Variants in BID observed in about 807,000 individuals in gnomAD.
BID encodes the protein BH3-interacting domain death agonist.
Under a neutral mutation model 17.4 loss-of-function variants are expected in BID, and 19 were observed. The ratio of observed to expected loss-of-function variants is 1.09; its 90% CI spans 0.76 to 1.60. The LOEUF is 1.60. Among genes scored for constraint, BID ranks in the 40% most tolerant of loss-of-function variants. The pLI is 0.00. For synonymous variants in BID, 108 were observed against 102.8 expected (o/e 1.05, Z -0.31); for missense variants, 226 against 256.0 (o/e 0.88, Z 0.80).
At position 17,746,585 on chromosome 22, in the gene BID, C is replaced by G. The variant is rs965465092; in HGVS notation, c.13-2572G>C. Among the ~76,000 whole-genome samples, 6 of 152,330 alleles carry G rather than the reference C, an allele frequency of 3.9e-5. No individual in the cohort carries two copies. In the East Asian group the frequency reaches 1.2e-3, roughly 29 times the overall value. ...GCTGTGTCACCCAAAAAGAAAAGCG[C>G]AAGTCCTAACCCCAAGTACCTGTCA... is the stretch of plus-strand genomic sequence containing the variant. On this transcript the variant is annotated intron_variant, in intron 2 of 5. Transcript: ENST00000622694.
Position 17,734,867 on chromosome 22 carries a change from G to T in BID, c.*713C>A, listed in dbSNP as rs149980557. ...CTGATTTTGTAAACAAACAGTGGCTGACCTGGGCCCTTAAATCACCTTCAC... is the reference window on the plus strand; with the variant it reads ...CTGATTTTGTAAACAAACAGTGGCTTACCTGGGCCCTTAAATCACCTTCAC... On this transcript the variant is annotated 3_prime_UTR_variant, in exon 6 of 6. Coordinates refer to ENST00000622694, the MANE Select transcript of BID (RefSeq NM_001196.4). 4.6e-5 allele frequency: 7 copies of T among 152,334 alleles called. No homozygotes were observed. The highest frequency in any genetic ancestry group is 1.0e-4 in the Non-Finnish European group (7 of 68,034). The allele number at this position is 152,334 out of a possible 1,614,324, so 9.4% of individuals were successfully genotyped here.
chr22:17,751,606 C>G (rs1188335083), intron 1 of BID, among the ~76,000 whole-genome samples: 1 of 152,180 alleles, frequency 6.6e-6, no homozygotes, highest in East Asian at 1.9e-4. Context: ...GAGGAGAAAG[C>G]CTGTGCCCAG....
chr22:17,747,804 G>A (rs945296450), intron 2 of BID, among the ~76,000 whole-genome samples: 6 of 151,576 alleles, frequency 4.0e-5, no homozygotes, highest in South Asian at 4.2e-4. Context: ...CTGGCCGGGC[G>A]CGGTGGCTCA....
intron 2 of BID, among the ~76,000 whole-genome samples, chr22:17,745,744 G>C (rs1008373818): frequency 7.9e-5 from 12 of 151,972 alleles, no homozygotes; most frequent in Non-Finnish European, 1.6e-4. Flanking sequence ...GAGGCGGGCG[G>C]ATCACGAAGT....
At position 17,774,381 on chromosome 22, in the gene BID, C is replaced by A; in HGVS notation, c.-59G>T. On this transcript the variant is annotated splice_region_variant and 5_prime_UTR_variant, in exon 1 of 6. Coordinates refer to ENST00000622694, the MANE Select transcript of BID (RefSeq NM_001196.4). Reference sequence around the variant, plus strand: ...CCGGGAGGGGCGCGGGTGCACTCACCACCCTCCAGCCGCGGGGGCGCGGGC... The same window carrying A: ...CCGGGAGGGGCGCGGGTGCACTCACAACCCTCCAGCCGCGGGGGCGCGGGC... The A allele has an allele frequency of 4.6e-6, 1 of 215,300 alleles. No individual in the cohort carries two copies. Among genetic ancestry groups the A allele is most frequent in the Middle Eastern group, 8.0e-4 (1 of 1,254 alleles). 13.3% of individuals were successfully genotyped at this position (215,300 alleles called of 1,614,324 possible). A position where few individuals can be genotyped will look rare whatever the true frequency, so the allele number is the denominator to read the frequency against.
In BID at chr22:17,773,554, T is replaced by A. The variant is rs1415104676; in HGVS notation, c.-59+827A>T. 2.5e-6 allele frequency: 4 copies of A among 1,588,908 alleles called. No individual in the cohort carries two copies. In the African/African-American group the frequency reaches 5.4e-5, roughly 21 times the overall value. On this transcript the variant is annotated intron_variant, in intron 1 of 5. Coordinates refer to ENST00000622694, the MANE Select transcript of BID (RefSeq NM_001196.4). The surrounding 1 kb of genome is among the most constrained non-coding windows in gnomAD (Gnocchi z 4.4). ...ATCTGCTCCTCACCTGCCCCAACCC[T>A]GCCTGCAGGTGAAGGCCGGTCCAGC...
intron 2 of BID, among the ~76,000 whole-genome samples, chr22:17,747,462 A>C (rs1404650723): frequency 6.6e-6 from 1 of 152,038 alleles, no homozygotes; most frequent in Non-Finnish European, 1.5e-5. Flanking sequence ...CTGGGGTTAC[A>C]GGCACGTGCC....
intron 2 of BID, among the ~76,000 whole-genome samples, chr22:17,746,381 C>A (rs1308602420): frequency 6.6e-6 from 1 of 152,208 alleles, no homozygotes; most frequent in Non-Finnish European, 1.5e-5. Context: ...TGCTATTCAG[C>A]CTTTACTTCT....
At chr22:17,746,604 C>T (rs1158144681) in intron 2 of BID, among the ~76,000 whole-genome samples, 1 of 152,206 alleles carries the variant, frequency 6.6e-6, no homozygotes, top group Non-Finnish European at 1.5e-5. Context: ...ACCCCAAGTA[C>T]CTGTCAATGT....
intron 1 of BID, 78 bp from the exon 2 acceptor site, chr22:17,750,252 G>T: frequency 1.6e-6 from 2 of 1,263,244 alleles, no homozygotes; most frequent in Non-Finnish European, 1.1e-6. Flanking sequence ...GACGAAGCTG[G>T]CCTGTGCTCC....
At chr22:17,774,484 G>A, upstream of BID, 2 of 275,986 alleles carry the variant, frequency 7.2e-6, no homozygotes, top group Non-Finnish European at 7.7e-6. Context: ...CGCCCCGCGC[G>A]CTTCCTCCTT....
intron 4 of BID, among the ~76,000 whole-genome samples, chr22:17,738,468 C>T (rs902638722): frequency 2.6e-5 from 4 of 152,196 alleles, no homozygotes; most frequent in East Asian, 1.9e-4. Context: ...CACTGTTAGA[C>T]GGTGATGGGA....
At chr22:17,748,224 A>G (rs1334220031) in intron 2 of BID, among the ~76,000 whole-genome samples, 1 of 129,296 alleles carries the variant, frequency 7.7e-6, no homozygotes, top group East Asian at 2.5e-4. Context: ...AATAATAATA[A>G]TAAGGCCGGG....
At chr22:17,750,259 C>T in intron 1 of BID, 85 bp from the exon 2 acceptor site, 2 of 1,203,038 alleles carry the variant, frequency 1.7e-6, no homozygotes, top group Non-Finnish European at 2.4e-6. Flanking sequence ...CTGGCCTGTG[C>T]TCCAGAAATG....
chr22:17,770,527 G>C (rs1276185443), intron 1 of BID, among the ~76,000 whole-genome samples: 1 of 152,242 alleles, frequency 6.6e-6, no homozygotes, highest in Non-Finnish European at 1.5e-5. Context: ...TTCACAGAAT[G>C]AATGTGAGGA....
chr22:17,768,769 A>G (rs988678842), intron 1 of BID, among the ~76,000 whole-genome samples: 1 of 151,064 alleles, frequency 6.6e-6, no homozygotes, highest in Non-Finnish European at 1.5e-5. Context: ...CTACTCGGGA[A>G]GCTGAGGCAG....
chr22:17,735,580 T>C lies in BID; in HGVS notation c.588A>G (p.Ter196TrpextTer10). The change falls in exon 6 of 6, where the codon TGA (stop) becomes TGG (tryptophan). Residue 196 changes from the stop codon to tryptophan, a stop_lost. Transcript: ENST00000622694. The part of the protein sequence containing the change: ...VRSLARNGMD[*>W] Reference sequence around the variant, plus strand: ...CAGTCACACTTCTGGAACTGTCCGTTCAGTCCATCCCCTAGAGCAAGAAAG... The same window carrying C: ...CAGTCACACTTCTGGAACTGTCCGTCCAGTCCATCCCCTAGAGCAAGAAAG... 6.2e-7 allele frequency: 1 copy of C among 1,614,146 alleles called. No homozygotes were observed. The highest frequency in any genetic ancestry group is 8.5e-7 in the Non-Finnish European group (1 of 1,180,028).
chr22:17,738,613 A>T (rs2145872986), intron 4 of BID, among the ~76,000 whole-genome samples: 1 of 152,236 alleles, frequency 6.6e-6, no homozygotes, highest in Non-Finnish European at 1.5e-5. Context: ...CCTGGGGGAC[A>T]CTAGACAGAC....
chr22:17,739,051 C>A (rs2061439293), intron 4 of BID, among the ~76,000 whole-genome samples: 1 of 152,236 alleles, frequency 6.6e-6, no homozygotes, highest in Non-Finnish European at 1.5e-5. Flanking sequence ...AAACTCCCTA[C>A]AACCAAAGGA....
Sources: allele counts gnomAD v4.1 joint callset (sites outside exome capture counted in the v4.1 genomes callset), GRCh38; gene constraint gnomAD v4.1.1; non-coding constraint Gnocchi (gnomAD v3.1); transcripts MANE v1.5; gene names NCBI Gene and HGNC (gene_info 2026-07-23, HGNC 2026-07-21).